FER1L6: variants seen among roughly 807,000 people sequenced by gnomAD.
FER1L6 encodes the protein fer-1-like protein 6.
In FER1L6, 177 loss-of-function variants were observed where a neutral mutation model predicts 219.2. That is an observed-to-expected ratio of 0.81 (90% CI 0.71 to 0.91). FER1L6 has a LOEUF of 0.91. FER1L6 is among the 40% of genes least tolerant of loss of function. The probability of loss-of-function intolerance (pLI) is 0.00; values close to 1 mark genes in which losing one functional copy is unlikely to be tolerated. For synonymous variants in FER1L6, 768 were observed against 824.3 expected (o/e 0.93, Z 1.17); for missense variants, 2,153 against 2,259.9 (o/e 0.95, Z 0.96).
intron 33 of FER1L6, among the ~76,000 whole-genome samples, chr8:124,089,844 T>G (rs1480952055): frequency 6.6e-6 from 1 of 152,218 alleles, no homozygotes; most frequent in Non-Finnish European, 1.5e-5. Context: ...GTACTTATCC[T>G]TATATCTCAA....
rs1243117842 is a variant in FER1L6 at position 124,034,221 on chromosome 8, A to G, written c.2287-1056A>G. ...TAAGAAACACCAGGAAGAGGAACTT[A>G]GAAGAAGAGTTGACAACATTTTGAG... On this transcript the variant is annotated intron_variant, in intron 18 of 40. Transcript: ENST00000522917. Among the ~76,000 whole-genome samples, 3 of 151,720 alleles carry G rather than the reference A, an allele frequency of 2.0e-5. No homozygotes were observed. In the East Asian group the frequency reaches 5.8e-4, roughly 29 times the overall value.
chr8:123,856,763 C>G (rs1301564687), intron 1 of FER1L6, among the ~76,000 whole-genome samples: 1 of 151,990 alleles, frequency 6.6e-6, no homozygotes, highest in Non-Finnish European at 1.5e-5. Context: ...ATTATTTTCA[C>G]AGAATTTAGT....
intron 11 of FER1L6, chr8:123,985,162 T>C (rs1460486178): frequency 6.6e-6 from 1 of 152,180 alleles, no homozygotes; most frequent in Non-Finnish European, 1.5e-5. Context: ...AGGCCTTGAG[T>C]CTTGGCTGAC....
At chr8:123,854,494 A>G (rs749208874) in intron 1 of FER1L6, among the ~76,000 whole-genome samples, 1 of 152,230 alleles carries the variant, frequency 6.6e-6, no homozygotes. Flanking sequence ...CATTGCCACA[A>G]AAGAGTCCAT....
At chr8:124,090,845 G>C (rs1204135401) in intron 33 of FER1L6, among the ~76,000 whole-genome samples, 1 of 152,162 alleles carries the variant, frequency 6.6e-6, no homozygotes, top group African/African-American at 2.4e-5. Flanking sequence ...TTGGTGGGGT[G>C]GTGGGGTAGG....
At chr8:123,933,106 C>T (rs1273458589) in intron 1 of FER1L6, among the ~76,000 whole-genome samples, 1 of 152,176 alleles carries the variant, frequency 6.6e-6, no homozygotes, top group Non-Finnish European at 1.5e-5. Flanking sequence ...GGAAGAGGAG[C>T]ATCTTTCAGC....
chr8:123,875,120 G>A (rs59547845), intron 1 of FER1L6, among the ~76,000 whole-genome samples: 26,965 of 152,034 alleles, frequency 0.18, 2,674 homozygotes, highest in African/African-American at 0.28. Flanking sequence ...GCTTGAACCC[G>A]GGAGGTGGAG....
Position 124,021,308 on chromosome 8 carries a change from C to A in FER1L6, c.2014-242C>A, listed in dbSNP as rs1010543370. ...TAATAAGCCATGTGACCTTGATAAA[C>A]CTGTAGCCTTTCTGGGCTTCAGCTT... is the stretch of plus-strand genomic sequence containing the variant. On this transcript the variant is annotated intron_variant, in intron 16 of 40. Transcript: ENST00000522917. 2.0e-5 allele frequency among the ~76,000 whole-genome samples: 3 copies of A among 152,090 alleles called. No homozygotes were observed. In the East Asian group the frequency reaches 5.8e-4, roughly 29 times the overall value.
At chr8:124,073,568 C>G (rs1315374340) in intron 31 of FER1L6, among the ~76,000 whole-genome samples, 1 of 152,142 alleles carries the variant, frequency 6.6e-6, no homozygotes, top group Non-Finnish European at 1.5e-5. Context: ...ATTTCCCCAC[C>G]TCTTTTTTTC....
chr8:124,019,648 A>G (rs1563747635), intron 16 of FER1L6, among the ~76,000 whole-genome samples: 1 of 152,214 alleles, frequency 6.6e-6, no homozygotes, highest in Non-Finnish European at 1.5e-5. Context: ...CATTCATTCC[A>G]TAAACATTTA....
intron 1 of FER1L6, among the ~76,000 whole-genome samples, chr8:123,954,606 G>A (rs1022948231): frequency 1.3e-5 from 2 of 152,104 alleles, no homozygotes; most frequent in African/African-American, 4.8e-5. Flanking sequence ...TTCCAGGTAC[G>A]GTGCTAAATA....
chr8:123,982,839 A>G (rs772868007), intron 11 of FER1L6, among the ~76,000 whole-genome samples: 1 of 152,194 alleles, frequency 6.6e-6, no homozygotes, highest in Non-Finnish European at 1.5e-5. Flanking sequence ...AGGAGGCCTC[A>G]TCCTCATTCT....
At chr8:124,021,174 C>T (rs1384774984) in intron 16 of FER1L6, among the ~76,000 whole-genome samples, 1 of 152,182 alleles carries the variant, frequency 6.6e-6, no homozygotes, top group African/African-American at 2.4e-5. Flanking sequence ...ATTAAATTAC[C>T]TCCCACTGGG....
intron 1 of FER1L6, among the ~76,000 whole-genome samples, chr8:123,941,812 A>G (rs1475329635): frequency 6.6e-6 from 1 of 152,208 alleles, no homozygotes; most frequent in Non-Finnish European, 1.5e-5. Context: ...AGAACAGAGC[A>G]GACGAGGGAA....
intron 1 of FER1L6, among the ~76,000 whole-genome samples, chr8:123,865,398 G>A (rs1816817551): frequency 6.7e-6 from 1 of 150,350 alleles, no homozygotes; most frequent in African/African-American, 2.5e-5. Context: ...GTCAGACAGG[G>A]ACATTTAAGT....
intron 32 of FER1L6, among the ~76,000 whole-genome samples, chr8:124,076,943 C>T (rs778230869): frequency 4.6e-5 from 7 of 152,326 alleles, no homozygotes; most frequent in Admixed American, 1.3e-4. Context: ...GTGTTAAAAG[C>T]TATTGCATTT....
At position 123,873,393 on chromosome 8, in the gene FER1L6, C is replaced by T. The variant is rs139543994; in HGVS notation, c.-8+21208C>T. 7.9e-5 allele frequency among the ~76,000 whole-genome samples: 12 copies of T among 152,360 alleles called. No homozygotes were observed. The East Asian group carries it at 2.3e-3, about 29-fold the overall frequency. ...TCTTTTCTGAATGTGGCCTTTCCCT[C>T]CTTGCTGTAATGAAAACCTGTTTCT... On this transcript the variant is annotated intron_variant, in intron 1 of 40. Coordinates refer to ENST00000522917, the MANE Select transcript of FER1L6 (RefSeq NM_001039112.2).
intron 21 of FER1L6, among the ~76,000 whole-genome samples, chr8:124,048,725 G>C (rs187597390): frequency 8.2e-4 from 125 of 152,302 alleles, no homozygotes; most frequent in African/African-American, 2.8e-3. Context: ...CTATGGAAAG[G>C]TATTACTTTT....
At position 124,064,581 on chromosome 8, in the gene FER1L6, TA is replaced by T; in HGVS notation, c.3555+12del. 6.2e-7 allele frequency: 1 copy of T among 1,609,082 alleles called. No individual in the cohort carries two copies. The highest frequency in any genetic ancestry group is 8.5e-7 in the Non-Finnish European group (1 of 1,177,930). On this transcript the variant is annotated intron_variant, in intron 26 of 40. Transcript: ENST00000522917. ...AAAGATGGAAAACCTAAGGTCAGAC[TA>T]AAATCCCTCTCTATATTTACAAGGC...
Sources: allele counts gnomAD v4.1 joint callset (sites outside exome capture counted in the v4.1 genomes callset), GRCh38; gene constraint gnomAD v4.1.1; transcripts MANE v1.5; gene names NCBI Gene and HGNC (gene_info 2026-07-23, HGNC 2026-07-21).